The following MCCC1 variants were observed in gnomAD, a reference collection of about 807,000 sequenced individuals.
The protein encoded by MCCC1 is methylcrotonyl-CoA carboxylase subunit 1.
Under a neutral mutation model 83.8 loss-of-function variants are expected in MCCC1, and 64 were observed. That is an observed-to-expected ratio of 0.76 (90% CI 0.62 to 0.94). The LOEUF (loss-of-function observed/expected upper bound fraction) is 0.94. Ranked by LOEUF, MCCC1 falls within the 40% of genes least tolerant of loss-of-function variation. The probability of loss-of-function intolerance (pLI) is 0.00; values close to 1 mark genes in which losing one functional copy is unlikely to be tolerated. For missense variants in MCCC1, 807 were observed against 904.7 expected, an observed-to-expected ratio of 0.89 and a Z score of 1.39; for synonymous variants, 322 against 315.4, an observed-to-expected ratio of 1.02 and a Z score of -0.22.
intron 7 of MCCC1, among the ~76,000 whole-genome samples, chr3:183,060,798 C>T (rs1715772080): frequency 1.4e-5 from 2 of 146,528 alleles, no homozygotes; most frequent in Non-Finnish European, 3.0e-5. Flanking sequence ...TTGTTCAATT[C>T]CCACCTATGA....
intron 14 of MCCC1, among the ~76,000 whole-genome samples, chr3:183,031,932 G>A (rs1713116543): frequency 6.6e-6 from 1 of 151,734 alleles, no homozygotes; most frequent in South Asian, 2.1e-4. Flanking sequence ...GCCTCCCAAA[G>A]TGCTGAGATT....
At chr3:183,099,305 C>A in intron 1 of MCCC1, 47 bp downstream of exon 1, 1 of 1,548,756 alleles carries the variant, frequency 6.5e-7, no homozygotes, top group Non-Finnish European at 8.7e-7. Context: ...GGTCCGTGCA[C>A]CCCTCGCTCC....
At chr3:183,041,520 A>C (rs1222539283) in intron 11 of MCCC1, 47 bp downstream of exon 11, 1 of 1,594,188 alleles carries the variant, frequency 6.3e-7, no homozygotes, top group South Asian at 1.1e-5. Context: ...ACAATAATGT[A>C]CTAAAAACTT....
intron 8 of MCCC1, among the ~76,000 whole-genome samples, chr3:183,053,630 C>T (rs984407117): frequency 2.6e-5 from 4 of 150,962 alleles, no homozygotes; most frequent in Admixed American, 6.6e-5. Flanking sequence ...CATAGTGAAA[C>T]CCCGTCTCTA....
chr3:183,038,413 C>T (rs1024244807), intron 12 of MCCC1, among the ~76,000 whole-genome samples: 2 of 151,958 alleles, frequency 1.3e-5, no homozygotes, highest in Non-Finnish European at 2.9e-5. Flanking sequence ...AGCGGTGAGG[C>T]GGCCAGTGTG....
intron 12 of MCCC1, among the ~76,000 whole-genome samples, chr3:183,038,176 A>G (rs1713783092): frequency 6.6e-6 from 1 of 152,216 alleles, no homozygotes; most frequent in Non-Finnish European, 1.5e-5. Context: ...ACAAGTAACA[A>G]TATCTGTAAA....
intron 1 of MCCC1, among the ~76,000 whole-genome samples, chr3:183,107,039 GAAGTT>G (rs1719417506): frequency 6.6e-6 from 1 of 152,112 alleles, no homozygotes; most frequent in Non-Finnish European, 1.5e-5. Context: ...TGAAGATTGT[GAAGTT>G]AACACTGATA....
chr3:183,111,071 C>A (rs1719485625), intron 1 of MCCC1, among the ~76,000 whole-genome samples: 2 of 152,106 alleles, frequency 1.3e-5, no homozygotes, highest in South Asian at 4.1e-4. Flanking sequence ...TGTATTATAT[C>A]ATCAGGACTG....
In MCCC1 at chr3:183,064,560, C is replaced by A. The variant is rs570130152; in HGVS notation, c.761+6439G>T. 6.6e-6 allele frequency among the ~76,000 whole-genome samples: 1 copy of A among 152,170 alleles called. No individual in the cohort carries two copies. Among genetic ancestry groups the A allele is most frequent in the Non-Finnish European group, 1.5e-5 (1 of 68,028 alleles). ...TGGCACGCCACCAGCACGGGCCAGGCGCACAAGTGCAGCACCAGCGGGCTG... is the reference window on the plus strand; with the variant it reads ...TGGCACGCCACCAGCACGGGCCAGGAGCACAAGTGCAGCACCAGCGGGCTG... On this transcript the variant is annotated intron_variant, in intron 7 of 18. Transcript: ENST00000265594. This position sits in a 1 kb window ranked among gnomAD's most constrained non-coding sequence, Gnocchi z 4.5.
At chr3:183,026,480 G>A (rs1460320682) in intron 14 of MCCC1, among the ~76,000 whole-genome samples, 1 of 152,174 alleles carries the variant, frequency 6.6e-6, no homozygotes, top group African/African-American at 2.4e-5. Context: ...GGGAGGCAGA[G>A]GAGTGGGGAT....
chr3:183,087,832 T>C (rs1428328176), intron 3 of MCCC1, among the ~76,000 whole-genome samples: 1 of 139,338 alleles, frequency 7.2e-6, no homozygotes, highest in African/African-American at 2.7e-5. Context: ...ATTGCGCCAC[T>C]GAACTCCAGC....
At chr3:183,044,010 G>T (rs1714327567) in intron 10 of MCCC1, among the ~76,000 whole-genome samples, 1 of 152,000 alleles carries the variant, frequency 6.6e-6, no homozygotes, top group South Asian at 2.1e-4. Context: ...AACACCCTAG[G>T]ATATAGAGCC....
intron 4 of MCCC1, among the ~76,000 whole-genome samples, chr3:183,077,535 C>A (rs1717167019): frequency 6.6e-6 from 1 of 152,088 alleles, no homozygotes; most frequent in Non-Finnish European, 1.5e-5. Flanking sequence ...TGTATAACTT[C>A]TTTGGTGAAG....
intron 3 of MCCC1, among the ~76,000 whole-genome samples, chr3:183,089,122 C>A (rs1718129764): frequency 6.6e-6 from 1 of 152,146 alleles, no homozygotes; most frequent in South Asian, 2.1e-4. Context: ...CATCAACATA[C>A]CAGTTTCTAA....
At chr3:183,026,187 C>A (rs1300224064) in intron 14 of MCCC1, among the ~76,000 whole-genome samples, 1 of 152,148 alleles carries the variant, frequency 6.6e-6, no homozygotes, top group Non-Finnish European at 1.5e-5. Flanking sequence ...GGACTACAGG[C>A]GTGCCACCAC....
rs112734059 is a variant in MCCC1 at position 183,034,258 on chromosome 3, A to G, written c.1595-181T>C. 0.026 allele frequency among the ~76,000 whole-genome samples: 3,939 copies of G among 151,990 alleles called. 126 individuals are homozygous for G. The highest frequency in any genetic ancestry group is 0.13 in the South Asian group (638 of 4,818). The stretch of plus-strand genomic sequence containing the variant: ...GAGGTCAGGAGATCGAGACCATCCT[A>G]GCTAACACGGTGAAACCCCGTCTCT... On this transcript the variant is annotated intron_variant, in intron 13 of 18. Transcript: ENST00000265594.
At chr3:183,053,131 G>T (rs1715117435) in intron 8 of MCCC1, among the ~76,000 whole-genome samples, 1 of 152,126 alleles carries the variant, frequency 6.6e-6, no homozygotes, top group Non-Finnish European at 1.5e-5. Flanking sequence ...TTTAGGTCTA[G>T]TCTAATGGGT....
intron 9 of MCCC1, among the ~76,000 whole-genome samples, chr3:183,050,611 C>A (rs774058726): frequency 2.1e-5 from 3 of 145,618 alleles, no homozygotes; most frequent in Admixed American, 7.2e-5. Context: ...GGGGCTGGGA[C>A]AGGAGAATCA....
At chr3:183,057,591 AC>A (rs1446282773) in intron 7 of MCCC1, among the ~76,000 whole-genome samples, 169 bp from the exon 8 acceptor site, 1 of 152,240 alleles carries the variant, frequency 6.6e-6, no homozygotes, top group Non-Finnish European at 1.5e-5. Flanking sequence ...TAGAAAAAGA[AC>A]CACAGGCCAA....
Sources: allele counts gnomAD v4.1 joint callset (sites outside exome capture counted in the v4.1 genomes callset), GRCh38; gene constraint gnomAD v4.1.1; non-coding constraint Gnocchi (gnomAD v3.1); transcripts MANE v1.5; gene names NCBI Gene and HGNC (gene_info 2026-07-23, HGNC 2026-07-21).